ENTREP2: variants seen among roughly 807,000 people sequenced by gnomAD.
ENTREP2 encodes endosomal transmembrane epsin interactor 2.
chr15:29,445,018 T>C, the ENTREP2 span, among the ~76,000 whole-genome samples: 1 of 152,224 alleles, frequency 6.6e-6, no homozygotes, highest in African/African-American at 2.4e-5. Flanking sequence ...TGCTTCCTCA[T>C]AGAATAGCAG....
chr15:29,331,917 G>C, the ENTREP2 span, among the ~76,000 whole-genome samples: 3 of 152,180 alleles, frequency 2.0e-5, no homozygotes, highest in Non-Finnish European at 4.4e-5. Context: ...AGCAGGGAAA[G>C]TCTAAGGGGA....
chr15:29,273,323 C>T, the ENTREP2 span, among the ~76,000 whole-genome samples: 7 of 151,798 alleles, frequency 4.6e-5, no homozygotes, highest in East Asian at 7.8e-4. Context: ...CTCAGCCTCC[C>T]GAGTAGCTAG....
the ENTREP2 span, chr15:29,269,748 A>G: frequency 2.0e-5 from 29 of 1,430,498 alleles, no homozygotes; most frequent in African/African-American, 4.2e-4. Context: ...GTAGGCAAGC[A>G]GCCGCGGCGG....
chr15:29,165,095 G>C, the ENTREP2 span, among the ~76,000 whole-genome samples: 1 of 152,044 alleles, frequency 6.6e-6, no homozygotes, highest in African/African-American at 2.4e-5. Flanking sequence ...ACGAAATCAA[G>C]GTGGAAATTA....
chr15:29,138,498 T>A, the ENTREP2 span, among the ~76,000 whole-genome samples: 1 of 151,700 alleles, frequency 6.6e-6, no homozygotes, highest in African/African-American at 2.4e-5. Context: ...GCAGGTGAGG[T>A]AAGGAGAGGA....
chr15:29,135,212 G>A, the ENTREP2 span, among the ~76,000 whole-genome samples: 1 of 151,664 alleles, frequency 6.6e-6, no homozygotes, highest in Non-Finnish European at 1.5e-5. This position sits in a 1 kb window ranked among gnomAD's most constrained non-coding sequence, Gnocchi z 7.4. Context: ...CAGTCCCCGA[G>A]GCCTCCAGGA....
chr15:29,421,597 A>T, the ENTREP2 span, among the ~76,000 whole-genome samples: 2 of 152,394 alleles, frequency 1.3e-5, no homozygotes, highest in East Asian at 3.9e-4. Context: ...ATTAGATGAC[A>T]TAAAAATTAA....
chr15:29,159,608 C>G, the ENTREP2 span, among the ~76,000 whole-genome samples: 1 of 152,170 alleles, frequency 6.6e-6, no homozygotes, highest in South Asian at 2.1e-4. Context: ...AATTCCTGAG[C>G]TAGACACAAA....
the ENTREP2 span, among the ~76,000 whole-genome samples, chr15:29,305,653 T>C: frequency 1.3e-5 from 2 of 152,182 alleles, no homozygotes; most frequent in African/African-American, 4.8e-5. Context: ...TAAATGGCAG[T>C]ATCCATTACT....
At chr15:29,266,516 T>A in the ENTREP2 span, 1 of 152,138 alleles carries the variant, frequency 6.6e-6, no homozygotes, top group Non-Finnish European at 1.5e-5. Flanking sequence ...TGTCCAGACA[T>A]TAAGGAATGG....
chr15:29,494,884 G>A, the ENTREP2 span, among the ~76,000 whole-genome samples: 1 of 152,120 alleles, frequency 6.6e-6, no homozygotes, highest in African/African-American at 2.4e-5. Flanking sequence ...GTGTTTGTGT[G>A]CATGTGTGTG....
the ENTREP2 span, among the ~76,000 whole-genome samples, chr15:29,641,535 GA>G: frequency 6.6e-6 from 1 of 151,988 alleles, no homozygotes; most frequent in African/African-American, 2.4e-5. Context: ...ATCAAAAAAT[GA>G]AAGTAGAAAA....
the ENTREP2 span, among the ~76,000 whole-genome samples, chr15:29,135,994 C>T: frequency 1.3e-5 from 2 of 152,172 alleles, no homozygotes; most frequent in African/African-American, 2.4e-5. The surrounding 1 kb of genome is among the most constrained non-coding windows in gnomAD (Gnocchi z 7.4). Flanking sequence ...GGATCCCAGA[C>T]CACCTACCAG....
chr15:29,168,568 G>A, the ENTREP2 span, among the ~76,000 whole-genome samples: 2 of 152,124 alleles, frequency 1.3e-5, no homozygotes, highest in African/African-American at 2.4e-5. Context: ...TCTTTGTGGC[G>A]GGCTTAAATA....
At chr15:29,137,120 C>A in the ENTREP2 span, 1 of 1,473,330 alleles carries the variant, frequency 6.8e-7, no homozygotes, top group Non-Finnish European at 8.9e-7. Flanking sequence ...CGTCGAAATC[C>A]AGGGTCTGGT....
the ENTREP2 span, among the ~76,000 whole-genome samples, chr15:29,453,758 C>T: frequency 2.6e-5 from 4 of 152,166 alleles, no homozygotes; most frequent in Non-Finnish European, 5.9e-5. Context: ...TGGAATCCTA[C>T]TGTATAGCAG....
chr15:29,210,775 C>T, the ENTREP2 span, among the ~76,000 whole-genome samples: 7 of 152,276 alleles, frequency 4.6e-5, no homozygotes, highest in African/African-American at 9.6e-5. Context: ...TTGGAAACTG[C>T]GAGTAATAAA....
chr15:29,397,377 T>A, the ENTREP2 span, among the ~76,000 whole-genome samples: 1 of 151,556 alleles, frequency 6.6e-6, no homozygotes, highest in Non-Finnish European at 1.5e-5. Context: ...GGCGACAGAG[T>A]GAGACTCCAT....
the ENTREP2 span, among the ~76,000 whole-genome samples, chr15:29,219,082 A>G: frequency 2.6e-5 from 4 of 151,732 alleles, no homozygotes; most frequent in Non-Finnish European, 5.9e-5. Flanking sequence ...TAATTTCCAG[A>G]ATCTACAATG....
Sources: gnomAD v4.1 joint callset for allele counts (sites outside exome capture counted in the v4.1 genomes callset) on GRCh38, gnomAD v4.1.1 for gene constraint, Gnocchi (gnomAD v3.1) non-coding constraint, MANE v1.5 for transcripts, NCBI Gene and HGNC (gene_info 2026-07-23, HGNC 2026-07-21) for gene names.